IGF2R: variants seen among roughly 807,000 people sequenced by gnomAD.
IGF2R encodes the protein insulin like growth factor 2 receptor, also known as cation-independent mannose-6-phosphate receptor.
IGF2R carries 91 observed loss-of-function variants against 270.6 expected under a neutral mutation model. That is an observed-to-expected ratio of 0.34 (90% CI 0.28 to 0.40). The LOEUF (loss-of-function observed/expected upper bound fraction) is 0.40. Among genes scored for constraint, IGF2R ranks in the 10% least tolerant of loss-of-function variants. The pLI, the probability that IGF2R is intolerant of heterozygous loss-of-function variation, is 1.00. For missense variants in IGF2R, 2,805 were observed against 3,188.3 expected, an observed-to-expected ratio of 0.88 and a Z score of 2.90; for synonymous variants, 1,316 against 1,258.9, an observed-to-expected ratio of 1.05 and a Z score of -0.96.
intron 1 of IGF2R, among the ~76,000 whole-genome samples, chr6:159,987,340 A>G (rs1439681267): frequency 3.9e-5 from 6 of 152,188 alleles, no homozygotes; most frequent in Non-Finnish European, 7.3e-5. Context: ...CAGAGAGATT[A>G]TTTAAACCAC....
At chr6:160,024,768 T>G (rs1777519439) in intron 5 of IGF2R, 64 bp downstream of exon 5, 1 of 1,539,892 alleles carries the variant, frequency 6.5e-7, no homozygotes, top group African/African-American at 1.4e-5. Context: ...TTCAATATCT[T>G]TGCCTTTCTA....
intron 4 of IGF2R, among the ~76,000 whole-genome samples, chr6:160,020,154 A>G (rs1361480131): frequency 6.6e-6 from 1 of 152,086 alleles, no homozygotes; most frequent in East Asian, 1.9e-4. Context: ...ATTTCTACAC[A>G]CCAGTAATGA....
In IGF2R at chr6:160,048,492, G is replaced by C; in HGVS notation, c.2463G>C (p.Pro821=). The C allele has an allele frequency of 1.9e-6, 3 of 1,614,142 alleles. No individual in the cohort carries two copies. The highest frequency in any genetic ancestry group is 2.5e-6 in the Non-Finnish European group (3 of 1,180,010). The stretch of plus-strand genomic sequence containing the variant: ...TGTGTCGGCCTCTGAATCCAGTGCC[G>C]GGCTGCAACCGATATGCATCGGCTT... ...INVCRPLNPV[P]GCNRYASACQ... The change falls in exon 18 of 48, where the codon CCG becomes CCC. Residue 821 remains proline, a synonymous_variant. Transcript: ENST00000356956.
chr6:159,975,684 T>TTTTATATATATA (rs372803317), intron 1 of IGF2R, among the ~76,000 whole-genome samples: 1 of 141,742 alleles, frequency 7.1e-6, no homozygotes, highest in African/African-American at 2.6e-5. Flanking sequence ...TTATATATAT[T>TTTTATATATATA]TATATATATA....
chr6:160,016,459 G>A (rs1241292588), intron 4 of IGF2R, among the ~76,000 whole-genome samples: 1 of 152,224 alleles, frequency 6.6e-6, no homozygotes, highest in Non-Finnish European at 1.5e-5. Flanking sequence ...CCCACCCATT[G>A]TCTGGGACAT....
Position 159,998,520 on chromosome 6 carries a change from G to A in IGF2R, c.289+7197G>A, listed in dbSNP as rs776468339. Among the ~76,000 whole-genome samples, 5 of 152,138 alleles carry A rather than the reference G, an allele frequency of 3.3e-5. No homozygotes were observed. The highest frequency in any genetic ancestry group is 1.9e-4 in the East Asian group (1 of 5,196). On this transcript the variant is annotated intron_variant, in intron 2 of 47. Coordinates refer to ENST00000356956, the MANE Select transcript of IGF2R (RefSeq NM_000876.4). The surrounding 1 kb of genome is among the most constrained non-coding windows in gnomAD (Gnocchi z 4.1). ...AAGGTGTTTTTAGGAAGCTGGCCCC[G>A]TGGAATAGGAAACGATGCCTACAGG...
intron 1 of IGF2R, among the ~76,000 whole-genome samples, chr6:159,985,210 T>TAAAC (rs569708546): frequency 4.9e-4 from 74 of 152,362 alleles, no homozygotes; most frequent in African/African-American, 1.6e-3. Flanking sequence ...TTTTGTGGAA[T>TAAAC]GTTTTGCCAG....
Position 160,094,146 on chromosome 6 carries a change from A to G in IGF2R, c.6656-2293A>G, listed in dbSNP as rs1583304240. ...ATAACAACCCCAAATATGTTCTGTC[A>G]ACACAAACCTGCTTTTGGTCTATAA... On this transcript the variant is annotated intron_variant, in intron 44 of 47. Transcript: ENST00000356956. 4 of 412,576 alleles carry G rather than the reference A, an allele frequency of 9.7e-6. No individual in the cohort carries two copies. In the East Asian group the frequency reaches 2.4e-4, roughly 25 times the overall value. The allele number at this position is 412,576 out of a possible 1,614,324, so 25.6% of individuals were successfully genotyped here. A position where few individuals can be genotyped will look rare whatever the true frequency, so the allele number is the denominator to read the frequency against.
At chr6:160,023,604 G>A (rs1777486321) in intron 4 of IGF2R, among the ~76,000 whole-genome samples, 1 of 152,128 alleles carries the variant, frequency 6.6e-6, no homozygotes, top group South Asian at 2.1e-4. Context: ...TGGCACGTGG[G>A]GAAGCTGAGG....
At chr6:160,087,893 C>T in intron 41 of IGF2R, 140 bp from the exon 42 acceptor site, 1 of 613,912 alleles carries the variant, frequency 1.6e-6, no homozygotes, top group Non-Finnish European at 3.0e-6. Flanking sequence ...TCAGGCTGGT[C>T]TCTAACTCCT....
chr6:160,039,996 G>A (rs1330405669), intron 10 of IGF2R, among the ~76,000 whole-genome samples: 4 of 152,176 alleles, frequency 2.6e-5, no homozygotes, highest in Non-Finnish European at 4.4e-5. Context: ...GAGTTGTGCT[G>A]CTAACATTGT....
chr6:160,110,795 T>G lies in IGF2R; in HGVS notation c.*5711T>G, dbSNP rs1779725237. ...CAACATGGATGAGCTGAGAGAACATTATGCTAAGTGAAATAAGCCAGACAC... is the reference window on the plus strand; with the variant it reads ...CAACATGGATGAGCTGAGAGAACATGATGCTAAGTGAAATAAGCCAGACAC... On this transcript the variant is annotated 3_prime_UTR_variant, in exon 48 of 48. Coordinates refer to ENST00000356956, the MANE Select transcript of IGF2R (RefSeq NM_000876.4). 2 of 152,216 alleles carry G rather than the reference T, an allele frequency of 1.3e-5. No individual in the cohort carries two copies. Among genetic ancestry groups the G allele is most frequent in the Admixed American group, 6.5e-5 (1 of 15,274 alleles). The allele number at this position is 152,216 out of a possible 1,614,324, so 9.4% of individuals were successfully genotyped here. A position where few individuals can be genotyped will look rare whatever the true frequency, so the allele number is the denominator to read the frequency against.
Position 160,029,674 on chromosome 6 carries a change from G to A in IGF2R, c.882+19G>A. 1 of 1,546,056 alleles carries A rather than the reference G, an allele frequency of 6.5e-7. No individual in the cohort carries two copies. The highest frequency in any genetic ancestry group is 1.1e-5 in the South Asian group (1 of 89,572). ...GAGAGAGGTAAGTGACTCGTCTCCT[G>A]ATCACTAATGTGGCGCACAGTAGCC... On this transcript the variant is annotated intron_variant, in intron 7 of 47. Coordinates refer to ENST00000356956, the MANE Select transcript of IGF2R (RefSeq NM_000876.4).
At chr6:159,997,894 G>T (rs984331625) in intron 2 of IGF2R, among the ~76,000 whole-genome samples, 3 of 152,272 alleles carry the variant, frequency 2.0e-5, no homozygotes, top group Non-Finnish European at 4.4e-5. Flanking sequence ...TTTAGAGTAC[G>T]AAGATAAGGG....
chr6:160,087,895 C>CT (rs975071148), intron 41 of IGF2R, 138 bp from the exon 42 acceptor site: 24 of 618,992 alleles, frequency 3.9e-5, no homozygotes, highest in Non-Finnish European at 5.4e-5. Context: ...AGGCTGGTCT[C>CT]TAACTCCTGA....
chr6:160,042,277 T>C (rs926345399), intron 11 of IGF2R, among the ~76,000 whole-genome samples: 1 of 152,174 alleles, frequency 6.6e-6, no homozygotes, highest in African/African-American at 2.4e-5. Context: ...ATGCACAGTC[T>C]TGTATGGTTT....
At chr6:160,053,849 C>G (rs1475217000) in intron 19 of IGF2R, among the ~76,000 whole-genome samples, 1 of 152,104 alleles carries the variant, frequency 6.6e-6, no homozygotes, top group East Asian at 1.9e-4. Context: ...GTAGCTGGAA[C>G]TACAGGTGGA....
At chr6:160,053,425 T>C (rs1778242520) in intron 19 of IGF2R, among the ~76,000 whole-genome samples, 1 of 152,052 alleles carries the variant, frequency 6.6e-6, no homozygotes, top group Admixed American at 6.6e-5. Context: ...AAAAAAGGTA[T>C]TAAAAATAAT....
intron 1 of IGF2R, among the ~76,000 whole-genome samples, chr6:159,975,874 A>C (rs1321364686): frequency 6.6e-6 from 1 of 150,960 alleles, no homozygotes; most frequent in Non-Finnish European, 1.5e-5. Flanking sequence ...ATTTCCATGA[A>C]TATATCTAGT....
Sources: allele counts gnomAD v4.1 joint callset (sites outside exome capture counted in the v4.1 genomes callset), GRCh38; gene constraint gnomAD v4.1.1; non-coding constraint Gnocchi (gnomAD v3.1); transcripts MANE v1.5; gene names NCBI Gene and HGNC (gene_info 2026-07-23, HGNC 2026-07-21).